The following AAR2 variants were observed in gnomAD, a reference collection of about 807,000 sequenced individuals.
The protein encoded by AAR2 is AAR2 splicing factor.
In AAR2, 31 loss-of-function variants were observed where a neutral mutation model predicts 26.9. The ratio of observed to expected loss-of-function variants is 1.15; its 90% CI spans 0.86 to 1.55. The LOEUF (loss-of-function observed/expected upper bound fraction) is 1.55, where lower values mean the gene tolerates loss of function less well. AAR2 is among the 40% of genes most tolerant of loss of function. AAR2 has a pLI of 0.00. For missense variants in AAR2, 430 were observed against 491.3 expected (o/e 0.88, Z 1.18); for synonymous variants, 188 against 196.1 (o/e 0.96, Z 0.34).
chr20:36,240,278 C>T lies in AAR2; in HGVS notation c.410C>T (p.Thr137Ile). The change falls in exon 2 of 4, where the codon ACC becomes ATC. Residue 137 changes from threonine (T) to isoleucine (I), a missense_variant. Thr to Ile is a moderately conservative substitution (Grantham distance 89). Transcript: ENST00000320849. ...ACCCTGAAGAAGTGGATCTCACTCA[C>T]CAACTTCATCAGCGAAGCCACAGTG... Reference protein sequence around the residue: ...YATLKKWISLTNFISEATVEK... With the variant: ...YATLKKWISLINFISEATVEK... 1 of 1,614,244 alleles carries T rather than the reference C, an allele frequency of 6.2e-7. No individual in the cohort carries two copies. The highest frequency in any genetic ancestry group is 8.5e-7 in the Non-Finnish European group (1 of 1,180,052).
chr20:36,250,320 T>C (rs377677000), intron 3 of AAR2, among the ~76,000 whole-genome samples: 1 of 152,388 alleles, frequency 6.6e-6, no homozygotes, highest in African/African-American at 2.4e-5. Flanking sequence ...CAAAATATTA[T>C]CCTATTTCAA....
chr20:36,248,732 C>T (rs186997172), intron 3 of AAR2, among the ~76,000 whole-genome samples: 127 of 152,026 alleles, frequency 8.4e-4, no homozygotes, highest in Middle Eastern at 6.8e-3. Context: ...GATCAAAGGG[C>T]GTTAGGAGCA....
Position 36,255,900 on chromosome 20 carries a change from A to G in AAR2, c.*155A>G. On this transcript the variant is annotated 3_prime_UTR_variant, in exon 4 of 4. Transcript: ENST00000320849. Reference sequence around the variant, plus strand: ...AGAATTCCCTTTTTCACTGATAAATATATTTCTTCATTGCCAAAGAGGCTG... The same window carrying G: ...AGAATTCCCTTTTTCACTGATAAATGTATTTCTTCATTGCCAAAGAGGCTG... The G allele has an allele frequency of 1.0e-6, 1 of 996,270 alleles. No homozygotes were observed. Among genetic ancestry groups the G allele is most frequent in the Non-Finnish European group, 1.4e-6 (1 of 699,372 alleles). The allele number at this position is 996,270 out of a possible 1,614,324, so 61.7% of individuals were successfully genotyped here.
intron 3 of AAR2, among the ~76,000 whole-genome samples, chr20:36,249,545 CTT>C (rs1019033264): frequency 2.6e-5 from 4 of 152,172 alleles, no homozygotes; most frequent in African/African-American, 9.7e-5. Flanking sequence ...ATCTTTAACT[CTT>C]GAGGGAAAAC....
At position 36,252,347 on chromosome 20, in the gene AAR2, C is replaced by T. The variant is rs113422879; in HGVS notation, c.988-3231C>T. Among the ~76,000 whole-genome samples, 598 of 152,246 alleles carry T rather than the reference C, an allele frequency of 3.9e-3. 5 individuals carry two copies. Among genetic ancestry groups the T allele is most frequent in the Non-Finnish European group, 5.8e-3 (393 of 68,008 alleles). On this transcript the variant is annotated intron_variant, in intron 3 of 3. Coordinates refer to ENST00000320849, the MANE Select transcript of AAR2 (RefSeq NM_001271874.2). The stretch of plus-strand genomic sequence containing the variant: ...CATCTAATGGGTCCTTTTTGTGTGT[C>T]GGGCGCTGTGCCGAGAGTGGAGCAC...
chr20:36,256,120 T>C lies in AAR2; in HGVS notation c.*375T>C, dbSNP rs1449860570. 1 of 172,558 alleles carries C rather than the reference T, an allele frequency of 5.8e-6. No individual in the cohort carries two copies. The highest frequency in any genetic ancestry group is 1.2e-5 in the Non-Finnish European group (1 of 81,410). The allele number at this position is 172,558 out of a possible 1,614,324, so 10.7% of individuals were successfully genotyped here. ...AACTGATTGCTTGTTCCATAGGAGC[T>C]TAGGAAACAAGAAACCCTGGATTGC... is the stretch of plus-strand genomic sequence containing the variant. On this transcript the variant is annotated 3_prime_UTR_variant, in exon 4 of 4. Coordinates refer to ENST00000320849, the MANE Select transcript of AAR2 (RefSeq NM_001271874.2).
chr20:36,247,711 A>G (rs973946142), intron 3 of AAR2, among the ~76,000 whole-genome samples: 1 of 152,110 alleles, frequency 6.6e-6, no homozygotes, highest in African/African-American at 2.4e-5. Flanking sequence ...TCTACTAAAA[A>G]TACAAAAATT....
intron 3 of AAR2, among the ~76,000 whole-genome samples, chr20:36,253,167 A>G (rs1601186866): frequency 6.6e-6 from 1 of 150,816 alleles, no homozygotes; most frequent in Admixed American, 6.7e-5. Context: ...CACTCCTGCT[A>G]ACAGGAAGAC....
At chr20:36,242,562 G>T (rs2064694532) in intron 2 of AAR2, among the ~76,000 whole-genome samples, 1 of 150,872 alleles carries the variant, frequency 6.6e-6, no homozygotes, top group Admixed American at 6.6e-5. Context: ...GGCTAATTTT[G>T]TTTTGTATTT....
At position 36,255,893 on chromosome 20, in the gene AAR2, G is replaced by GATAT; in HGVS notation, c.*151_*152insTATA. On this transcript the variant is annotated 3_prime_UTR_variant, in exon 4 of 4. Coordinates refer to ENST00000320849, the MANE Select transcript of AAR2 (RefSeq NM_001271874.2). ...TGGAGCCAGAATTCCCTTTTTCACT[G>GATAT]ATAAATATATTTCTTCATTGCCAAA... The GATAT allele has an allele frequency of 9.6e-7, 1 of 1,037,770 alleles. No homozygotes were observed. The highest frequency in any genetic ancestry group is 1.4e-6 in the Non-Finnish European group (1 of 734,780). The allele number at this position is 1,037,770 out of a possible 1,614,324, so 64.3% of individuals were successfully genotyped here.
intron 1 of AAR2, chr20:36,236,725 G>A (rs2064610615): frequency 1.3e-5 from 2 of 152,226 alleles, no homozygotes; most frequent in Admixed American, 1.3e-4. Context: ...AGAGCCTGGG[G>A]GCCGGAGACC....
At position 36,255,923 on chromosome 20, in the gene AAR2, C is replaced by T; in HGVS notation, c.*178C>T. 1 of 884,212 alleles carries T rather than the reference C, an allele frequency of 1.1e-6. No homozygotes were observed. The highest frequency in any genetic ancestry group is 1.7e-6 in the Non-Finnish European group (1 of 602,666). The allele number at this position is 884,212 out of a possible 1,614,324, so 54.8% of individuals were successfully genotyped here. A position where few individuals can be genotyped will look rare whatever the true frequency, so the allele number is the denominator to read the frequency against. On this transcript the variant is annotated 3_prime_UTR_variant, in exon 4 of 4. Transcript: ENST00000320849. ...ATATATTTCTTCATTGCCAAAGAGGCTGTACCCATCCTGAAGGCACATTTG... is the reference window on the plus strand; with the variant it reads ...ATATATTTCTTCATTGCCAAAGAGGTTGTACCCATCCTGAAGGCACATTTG...
intron 2 of AAR2, 41 bp downstream of exon 2, chr20:36,240,666 G>C (rs762246534): frequency 6.3e-7 from 1 of 1,585,966 alleles, no homozygotes; most frequent in Non-Finnish European, 8.6e-7. Flanking sequence ...GCCAAGGGGA[G>C]GATATTAGCA....
intron 2 of AAR2, among the ~76,000 whole-genome samples, chr20:36,241,441 T>C (rs2064679480): frequency 1.3e-5 from 2 of 152,232 alleles, no homozygotes; most frequent in Admixed American, 6.5e-5. Context: ...TCCATAGTTA[T>C]TGGACCAGTT....
intron 3 of AAR2, 150 bp from the exon 4 acceptor site, chr20:36,255,428 G>A: frequency 1.2e-6 from 1 of 862,990 alleles, no homozygotes; most frequent in Non-Finnish European, 1.8e-6. Flanking sequence ...TTCTTGGTTT[G>A]GGGGGAGCAT....
chr20:36,244,686 G>T lies in AAR2; in HGVS notation c.758-11G>T. On this transcript the variant is annotated splice_polypyrimidine_tract_variant and intron_variant, in intron 2 of 3. Coordinates refer to ENST00000320849, the MANE Select transcript of AAR2 (RefSeq NM_001271874.2). ...TCCCTCAGAATCACTTCTCCTCTCTGCACCTTTCAGGTGAACTCCAGTTTG... is the reference window on the plus strand; with the variant it reads ...TCCCTCAGAATCACTTCTCCTCTCTTCACCTTTCAGGTGAACTCCAGTTTG... The T allele has an allele frequency of 1.2e-6, 2 of 1,610,546 alleles. No homozygotes were observed. The highest frequency in any genetic ancestry group is 1.7e-6 in the Non-Finnish European group (2 of 1,177,364).
rs770583152 is a variant in AAR2 at position 36,240,583 on chromosome 20, G to A, written c.715G>A (p.Val239Met). Reference sequence around the variant, plus strand: ...GGACCTGAGCTATGCCCTGGAGACTGTGCTCAACAAGCAGTTCCCCAGCAG... The same window carrying A: ...GGACCTGAGCTATGCCCTGGAGACTATGCTCAACAAGCAGTTCCCCAGCAG... ...SMDLSYALET[V>M]LNKQFPSSPQ... Residue 239 changes from valine to methionine, a missense_variant, in exon 2 of 4, where the codon GTG becomes ATG. By Grantham distance (21) the Val-to-Met change is conservative (BLOSUM62 1). Coordinates refer to ENST00000320849, the MANE Select transcript of AAR2 (RefSeq NM_001271874.2). 3.7e-5 allele frequency: 59 copies of A among 1,612,942 alleles called. No homozygotes were observed. Among genetic ancestry groups the A allele is most frequent in the Non-Finnish European group, 4.7e-5 (55 of 1,179,734 alleles).
At position 36,239,932 on chromosome 20, in the gene AAR2, G is replaced by A. The variant is rs756325552; in HGVS notation, c.64G>A (p.Val22Ile). ...KRLFFEGATV[V>I]ILNMPKGTEF... ...CCTCTTCTTTGAAGGGGCCACTGTG[G>A]TCATCCTGAACATGCCCAAGGGAAC... The change falls in exon 2 of 4, where the codon GTC becomes ATC. Residue 22 changes from valine to isoleucine, a missense_variant. Transcript: ENST00000320849. The A allele has an allele frequency of 6.3e-5, 102 of 1,613,412 alleles. No individual in the cohort carries two copies. In the South Asian group the frequency reaches 1.1e-3, roughly 17 times the overall value.
In AAR2 at chr20:36,256,344, TTTCTCCA is replaced by T. The variant is rs1430731273; in HGVS notation, c.*601_*607del. On this transcript the variant is annotated 3_prime_UTR_variant, in exon 4 of 4. Coordinates refer to ENST00000320849, the MANE Select transcript of AAR2 (RefSeq NM_001271874.2). The stretch of plus-strand genomic sequence containing the variant: ...AATCTAGCAGGTGGTCAGCTTCAGC[TTTCTCCA>T]TCGAAATCCCATTCTCCTGTCCAGA... 1 of 152,440 alleles carries T rather than the reference TTTCTCCA, an allele frequency of 6.6e-6. No individual in the cohort carries two copies. Among genetic ancestry groups the T allele is most frequent in the African/African-American group, 2.4e-5 (1 of 41,440 alleles). 9.4% of individuals were successfully genotyped at this position (152,440 alleles called of 1,614,324 possible).
Sources: gnomAD v4.1 joint callset for allele counts (sites outside exome capture counted in the v4.1 genomes callset) on GRCh38, gnomAD v4.1.1 for gene constraint, MANE v1.5 for transcripts, NCBI Gene and HGNC (gene_info 2026-07-23, HGNC 2026-07-21) for gene names.